Variants in DDX23 observed in about 807,000 individuals in gnomAD.
The protein encoded by DDX23 is probable ATP-dependent RNA helicase DDX23.
A neutral mutation model predicts 102.7 loss-of-function variants in DDX23; 33 were observed. That is an observed-to-expected ratio of 0.32 (90% CI 0.24 to 0.43). The LOEUF (loss-of-function observed/expected upper bound fraction) is 0.43, where lower values mean the gene tolerates loss of function less well. DDX23 is among the 20% of genes least tolerant of loss of function. The pLI is 1.00. For synonymous variants in DDX23, 352 were observed against 376.0 expected (o/e 0.94, Z 0.74); for missense variants, 549 against 1,086.6 (o/e 0.51, Z 6.96).
chr12:48,829,977 CAT>C lies in DDX23; in HGVS notation c.*490_*491del, dbSNP rs1030790149. 1 of 357,164 alleles carries C rather than the reference CAT, an allele frequency of 2.8e-6. No homozygotes were observed. Among genetic ancestry groups the C allele is most frequent in the Admixed American group, 3.8e-5 (1 of 26,458 alleles). The allele number at this position is 357,164 out of a possible 1,614,324, so 22.1% of individuals were successfully genotyped here. ...TCTAAAGACTCTCAACTTCCTTTAC[CAT>C]CCAAACAGGAAAACAGCTGTCCAGA... On this transcript the variant is annotated 3_prime_UTR_variant, in exon 17 of 17. Coordinates refer to ENST00000308025, the MANE Select transcript of DDX23 (RefSeq NM_004818.3).
At chr12:48,838,998 C>G (rs948722133) in intron 5 of DDX23, among the ~76,000 whole-genome samples, 1 of 152,108 alleles carries the variant, frequency 6.6e-6, no homozygotes, top group African/African-American at 2.4e-5. Context: ...GCCTCAGCCT[C>G]CTGAGTAGCT....
intron 15 of DDX23, among the ~76,000 whole-genome samples, chr12:48,831,559 G>A (rs1369100268): frequency 6.6e-6 from 1 of 152,156 alleles, no homozygotes; most frequent in Non-Finnish European, 1.5e-5. Flanking sequence ...AAAACAGCTG[G>A]GAGAGCGGTG....
At chr12:48,851,610 G>A (rs997151167) in intron 1 of DDX23, among the ~76,000 whole-genome samples, 2 of 152,268 alleles carry the variant, frequency 1.3e-5, no homozygotes, top group Non-Finnish European at 2.9e-5. Flanking sequence ...TGATGTGGAA[G>A]GCTTGGAAGA....
chr12:48,847,554 G>A (rs1565679863), intron 1 of DDX23, among the ~76,000 whole-genome samples: 2 of 152,066 alleles, frequency 1.3e-5, no homozygotes, highest in East Asian at 3.9e-4. Flanking sequence ...TCTTGACTGG[G>A]TGTGGTGGCT....
intron 12 of DDX23, 91 bp downstream of exon 12, chr12:48,834,229 A>G (rs1041898551): frequency 7.8e-7 from 1 of 1,280,196 alleles, no homozygotes; most frequent in African/African-American, 1.5e-5. Context: ...TCCTTTCTTC[A>G]TACTACTGCA....
intron 12 of DDX23, among the ~76,000 whole-genome samples, chr12:48,833,751 A>C (rs566121607): frequency 2.0e-5 from 3 of 152,244 alleles, no homozygotes; most frequent in Non-Finnish European, 4.4e-5. Context: ...TAGACAGAGG[A>C]GGCAAAATCA....
At chr12:48,838,839 C>A (rs1938502772) in intron 5 of DDX23, among the ~76,000 whole-genome samples, 1 of 151,948 alleles carries the variant, frequency 6.6e-6, no homozygotes, top group African/African-American at 2.4e-5. Context: ...GGCAACGGGG[C>A]GAGACTCCAT....
chr12:48,845,684 G>A lies in DDX23; in HGVS notation c.99C>T (p.Asp33=). The A allele has an allele frequency of 6.2e-7, 1 of 1,614,188 alleles. No individual in the cohort carries two copies. Among genetic ancestry groups the A allele is most frequent in the East Asian group, 2.2e-5 (1 of 44,890 alleles). ...TAGATGGGGAAGACTTCCGGTCCCGGTCTCTATCCCGCTCTCTGTCAGGAG... is the reference window on the plus strand; with the variant it reads ...TAGATGGGGAAGACTTCCGGTCCCGATCTCTATCCCGCTCTCTGTCAGGAG... The part of the protein sequence containing the change: ...SRTPDRERDR[D]RDRKSSPSKD... Residue 33 remains aspartate, a synonymous_variant, in exon 2 of 17, where the codon GAC becomes GAT. Transcript: ENST00000308025.
chr12:48,837,283 G>A lies in DDX23; in HGVS notation c.864C>T (p.Pro288=). The change falls in exon 8 of 17, where the codon CCC becomes CCT. Residue 288 remains proline (P), a splice_region_variant and synonymous_variant. Coordinates refer to ENST00000308025, the MANE Select transcript of DDX23 (RefSeq NM_004818.3). ...AACTCAGGCCTGAAGCCACTCACAG[G>A]GGGTTGTAGTCAATGGATGTGTCCT... is the stretch of plus-strand genomic sequence containing the variant. ...ASEDTSIDYN[P]LYKERHQVQL... is the part of the protein sequence containing the mutation. 1.9e-6 allele frequency: 3 copies of A among 1,613,366 alleles called. No homozygotes were observed. Among genetic ancestry groups the A allele is most frequent in the Non-Finnish European group, 2.5e-6 (3 of 1,179,356 alleles).
chr12:48,835,685 G>A (rs1306719435), intron 11 of DDX23, among the ~76,000 whole-genome samples: 3 of 152,098 alleles, frequency 2.0e-5, no homozygotes, highest in Non-Finnish European at 4.4e-5. Flanking sequence ...ACTCCAGCCT[G>A]GGCAACAAGA....
At position 48,844,023 on chromosome 12, in the gene DDX23, T is replaced by C. The variant is rs141155505; in HGVS notation, c.237A>G (p.Arg79=). ...TCTTATTCCGATCCCGCTCCTTATCTCGTTCTCGTTCTTTGTGCCGTCGTT... is the reference window on the plus strand; with the variant it reads ...TCTTATTCCGATCCCGCTCCTTATCCCGTTCTCGTTCTTTGTGCCGTCGTT... ...ERERRHKERE[R]DKERDRNKKD... is the part of the protein sequence containing the mutation. Residue 79 remains arginine (R), a synonymous_variant, in exon 3 of 17, where the codon CGA becomes CGG. Coordinates refer to ENST00000308025, the MANE Select transcript of DDX23 (RefSeq NM_004818.3). The C allele has an allele frequency of 6.9e-4, 1,117 of 1,614,152 alleles. 2 individuals carry two copies. The highest frequency in any genetic ancestry group is 1.5e-3 in the Admixed American group (92 of 60,016).
In DDX23 at chr12:48,836,995, G is replaced by A; in HGVS notation, c.909C>T (p.Phe303=). ...RHQVQLLGRG[F]IAGIDLKQQK... ...GCTGCTTGAGGTCAATGCCTGCAAT[G>A]AAGCCTCGCCCTAACAACTGCACCT... Residue 303 remains phenylalanine (F), a synonymous_variant, in exon 9 of 17, where the codon TTC becomes TTT. Coordinates refer to ENST00000308025, the MANE Select transcript of DDX23 (RefSeq NM_004818.3). This position sits in a 1 kb window ranked among gnomAD's most constrained non-coding sequence, Gnocchi z 6.1. 2 of 1,614,084 alleles carry A rather than the reference G, an allele frequency of 1.2e-6. No homozygotes were observed. Among genetic ancestry groups the A allele is most frequent in the East Asian group, 2.2e-5 (1 of 44,874 alleles).
intron 1 of DDX23, among the ~76,000 whole-genome samples, chr12:48,851,119 G>A (rs1437186680): frequency 6.6e-6 from 1 of 152,182 alleles, no homozygotes; most frequent in African/African-American, 2.4e-5. Flanking sequence ...GCAAGGCACA[G>A]TGCTAGGTGC....
Position 48,836,393 on chromosome 12 carries a change from A to AC in DDX23, c.1237-128dup. The AC allele has an allele frequency of 7.6e-7, 1 of 1,308,708 alleles. No homozygotes were observed. Among genetic ancestry groups the AC allele is most frequent in the African/African-American group, 1.5e-5 (1 of 67,944 alleles). The allele number at this position is 1,308,708 out of a possible 1,614,324, so 81.1% of individuals were successfully genotyped here. On this transcript the variant is annotated intron_variant, in intron 10 of 16. Transcript: ENST00000308025. The surrounding 1 kb of genome is among the most constrained non-coding windows in gnomAD (Gnocchi z 6.1). ...CCAAGTACAGTTCACAGAAATAGGG[A>AC]CCCCAAGAAGAAACCTAATCACTAA...
At chr12:48,843,178 T>C (rs1368614010) in intron 3 of DDX23, among the ~76,000 whole-genome samples, 1 of 150,490 alleles carries the variant, frequency 6.6e-6, no homozygotes, top group African/African-American at 2.4e-5. Flanking sequence ...CGCAGGGTCC[T>C]CTGCCTAGGA....
intron 3 of DDX23, among the ~76,000 whole-genome samples, chr12:48,841,347 T>C (rs1000471860): frequency 6.6e-6 from 1 of 151,876 alleles, no homozygotes; most frequent in African/African-American, 2.4e-5. Flanking sequence ...GATCGTGCCA[T>C]TGCACTCCAG....
Position 48,836,006 on chromosome 12 carries a change from G to C in DDX23, c.1382+115C>G. 8.3e-7 allele frequency: 1 copy of C among 1,205,640 alleles called. No homozygotes were observed. The highest frequency in any genetic ancestry group is 2.4e-5 in the East Asian group (1 of 42,532). 74.7% of individuals were successfully genotyped at this position (1,205,640 alleles called of 1,614,324 possible). On this transcript the variant is annotated intron_variant, in intron 11 of 16. Transcript: ENST00000308025. The surrounding 1 kb of genome is among the most constrained non-coding windows in gnomAD (Gnocchi z 6.1). ...CAATTATTCCCTAATATCCAACAAA[G>C]AATAAAGAAGAAAGCTTCTGATTAT...
At position 48,845,306 on chromosome 12, in the gene DDX23, CCGGGCATGGTGT is replaced by C. The variant is rs551178828; in HGVS notation, c.209+256_209+267del. On this transcript the variant is annotated intron_variant, in intron 2 of 16. Coordinates refer to ENST00000308025, the MANE Select transcript of DDX23 (RefSeq NM_004818.3). ...TCTACTAAAAATACAAAAACATTAG[CCGGGCATGGTGT>C]CGGGCGCCTGTAGTCCCAGCTACGC... is the stretch of plus-strand genomic sequence containing the variant. 1.9e-4 allele frequency among the ~76,000 whole-genome samples: 29 copies of C among 152,064 alleles called. No individual in the cohort carries two copies. The East Asian group carries it at 5.2e-3, about 27-fold the overall frequency.
intron 1 of DDX23, 44 bp from the exon 2 acceptor site, chr12:48,845,826 T>A: frequency 6.3e-7 from 1 of 1,587,448 alleles, no homozygotes; most frequent in Non-Finnish European, 8.6e-7. Flanking sequence ...TAGGCACTGC[T>A]CTAAACTGCT....
Sources: gnomAD v4.1 joint callset for allele counts (sites outside exome capture counted in the v4.1 genomes callset) on GRCh38, gnomAD v4.1.1 for gene constraint, Gnocchi (gnomAD v3.1) non-coding constraint, MANE v1.5 for transcripts, NCBI Gene and HGNC (gene_info 2026-07-23, HGNC 2026-07-21) for gene names.